CDH2: variants seen among roughly 807,000 people sequenced by gnomAD.
CDH2 encodes the protein cadherin 2, also known as cadherin-2.
In CDH2, 17 loss-of-function variants were observed where a neutral mutation model predicts 92.0. The ratio of observed to expected loss-of-function variants is 0.18; its 90% confidence interval spans 0.13 to 0.28. The LOEUF (loss-of-function observed/expected upper bound fraction) is 0.28, where lower values mean the gene tolerates loss of function less well. CDH2 is among the 10% of genes least tolerant of loss of function. The probability of loss-of-function intolerance (pLI) is 1.00; values close to 1 mark genes in which losing one functional copy is unlikely to be tolerated. For synonymous variants in CDH2, 419 were observed against 415.9 expected, an observed-to-expected ratio of 1.01 and a Z score of -0.09; for missense variants, 862 against 1,133.1, an observed-to-expected ratio of 0.76 and a Z score of 3.44.
chr18:27,974,539 G>T (rs954069966), intron 14 of CDH2, among the ~76,000 whole-genome samples: 5 of 152,226 alleles, frequency 3.3e-5, no homozygotes, highest in Non-Finnish European at 7.3e-5. Flanking sequence ...AAGTGACACA[G>T]AATCCATCTT....
intron 2 of CDH2, among the ~76,000 whole-genome samples, chr18:28,042,308 G>T (rs1313200738): frequency 6.6e-6 from 1 of 152,124 alleles, no homozygotes; most frequent in African/African-American, 2.4e-5. Context: ...TAGCATTCCA[G>T]TTTAAAAGTT....
rs192543509 is a variant in CDH2 at position 28,035,953 on chromosome 18, G to A, written c.173-22044C>T. ...TGAAGATCTACTTAGTGGGGATTAGGGAAATTAGGTTAAGAAATTTAAAAG... is the reference window on the plus strand; with the variant it reads ...TGAAGATCTACTTAGTGGGGATTAGAGAAATTAGGTTAAGAAATTTAAAAG... On this transcript the variant is annotated intron_variant, in intron 2 of 15. Coordinates refer to ENST00000269141, the MANE Select transcript of CDH2 (RefSeq NM_001792.5). Among the ~76,000 whole-genome samples the A allele has an allele frequency of 9.9e-4, 150 of 152,086 alleles. 1 individual carries two copies. The highest frequency in any genetic ancestry group is 3.6e-3 in the African/African-American group (148 of 41,516).
At chr18:27,983,179 G>T in intron 13 of CDH2, 96 bp from the exon 14 acceptor site, 1 of 870,784 alleles carries the variant, frequency 1.1e-6, no homozygotes, top group Non-Finnish European at 1.7e-6. Context: ...ATACTTATAT[G>T]AACTGAAGGC....
At chr18:28,058,170 C>G (rs1361176366) in intron 2 of CDH2, among the ~76,000 whole-genome samples, 1 of 152,196 alleles carries the variant, frequency 6.6e-6, no homozygotes, top group Admixed American at 6.5e-5. Flanking sequence ...AAAGCCAATA[C>G]AATAACAGTA....
chr18:28,141,843 T>C (rs1054302737), intron 2 of CDH2, among the ~76,000 whole-genome samples: 2 of 152,048 alleles, frequency 1.3e-5, no homozygotes, highest in South Asian at 4.1e-4. Flanking sequence ...GACTCTTGCA[T>C]TTGCTGTTAG....
chr18:28,079,835 G>T (rs1223915793), intron 2 of CDH2, among the ~76,000 whole-genome samples: 1 of 152,106 alleles, frequency 6.6e-6, no homozygotes, highest in Admixed American at 6.6e-5. Flanking sequence ...CTCAGAAAAC[G>T]TGTCATGTGA....
intron 2 of CDH2, among the ~76,000 whole-genome samples, chr18:28,101,526 A>G (rs1416410632): frequency 6.6e-6 from 1 of 152,126 alleles, no homozygotes; most frequent in African/African-American, 2.4e-5. Flanking sequence ...CTTGACTGTA[A>G]CTACACTTGT....
At chr18:28,089,453 A>G (rs1341933647) in intron 2 of CDH2, among the ~76,000 whole-genome samples, 1 of 152,164 alleles carries the variant, frequency 6.6e-6, no homozygotes, top group African/African-American at 2.4e-5. Flanking sequence ...GTTTCCTAGA[A>G]GGAAATTTTT....
rs186801484 is a variant in CDH2, at chr18:28,129,341, T to C, written c.172+18332A>G. On this transcript the variant is annotated intron_variant, in intron 2 of 15. Transcript: ENST00000269141. ...CCACCTGCATATAAAAACCTATCTA[T>C]AATATAAGCCATCACACTTTAATTG... Among the ~76,000 whole-genome samples the C allele has an allele frequency of 2.0e-5, 3 of 152,338 alleles. 1 individual carries two copies. The highest frequency in any genetic ancestry group is 2.0e-4 in the Admixed American group (3 of 15,294).
chr18:27,989,659 G>A (rs566982419), intron 10 of CDH2, among the ~76,000 whole-genome samples: 37 of 152,240 alleles, frequency 2.4e-4, no homozygotes, highest in African/African-American at 8.4e-4. Flanking sequence ...AATAACTACT[G>A]TACAGGTAAG....
intron 2 of CDH2, among the ~76,000 whole-genome samples, chr18:28,052,245 G>C (rs2014206558): frequency 6.6e-6 from 1 of 152,058 alleles, no homozygotes. Flanking sequence ...TATTCCACAT[G>C]GGAAGTAATT....
chr18:28,140,186 G>A (rs1157447145), intron 2 of CDH2, among the ~76,000 whole-genome samples: 1 of 151,920 alleles, frequency 6.6e-6, no homozygotes, highest in African/African-American at 2.4e-5. Context: ...AAATATGAGT[G>A]TTTTAAAACC....
chr18:27,985,137 G>A lies in CDH2; in HGVS notation c.2072C>T (p.Ser691Leu). The A allele has an allele frequency of 6.2e-7, 1 of 1,613,524 alleles. No individual in the cohort carries two copies. The highest frequency in any genetic ancestry group is 1.1e-5 in the South Asian group (1 of 91,072). Residue 691 changes from serine (S) to leucine (L), a missense_variant, in exon 13 of 16, where the codon TCA (serine) becomes TTA (leucine). By Grantham distance (145) the Ser-to-Leu change is moderately radical. Coordinates refer to ENST00000269141, the MANE Select transcript of CDH2 (RefSeq NM_001792.5). ...IITDSGNPPK[S>L]NISILRVKVC... is the part of the protein sequence containing the mutation. ...CTTCACACGCAGGATGGAAATATTTGATTTGGGAGGATTACCCGAATCTGT... is the reference window on the plus strand; with the variant it reads ...CTTCACACGCAGGATGGAAATATTTAATTTGGGAGGATTACCCGAATCTGT...
chr18:27,968,811 G>A (rs1423589778), intron 14 of CDH2, among the ~76,000 whole-genome samples: 1 of 152,154 alleles, frequency 6.6e-6, no homozygotes, highest in Non-Finnish European at 1.5e-5. Flanking sequence ...TACTCACATG[G>A]AAGTAAATGG....
chr18:28,106,662 T>C (rs1009805608), intron 2 of CDH2, among the ~76,000 whole-genome samples: 1 of 152,172 alleles, frequency 6.6e-6, no homozygotes, highest in Non-Finnish European at 1.5e-5. Context: ...TTCTGTCCCA[T>C]TTAATAGACC....
chr18:28,161,926 T>C (rs1279730152), intron 1 of CDH2, among the ~76,000 whole-genome samples: 1 of 152,186 alleles, frequency 6.6e-6, no homozygotes, highest in Non-Finnish European at 1.5e-5. Context: ...CATGCAAATA[T>C]TGTTAAGCTA....
At chr18:28,155,665 AAC>A (rs2016197664) in intron 1 of CDH2, among the ~76,000 whole-genome samples, 1 of 152,302 alleles carries the variant, frequency 6.6e-6, no homozygotes, top group African/African-American at 2.4e-5. Flanking sequence ...AGCGAACATA[AAC>A]AGTTAATGAA....
intron 2 of CDH2, among the ~76,000 whole-genome samples, chr18:28,094,102 G>C (rs2015083613): frequency 6.6e-6 from 1 of 152,138 alleles, no homozygotes; most frequent in Admixed American, 6.5e-5. Flanking sequence ...CTACAATTTT[G>C]AAATAATCTC....
intron 6 of CDH2, among the ~76,000 whole-genome samples, chr18:27,941,236 C>T (rs541263811): frequency 2.0e-5 from 3 of 152,016 alleles, no homozygotes; most frequent in African/African-American, 7.2e-5. Context: ...GGGGTTTCAC[C>T]GTGTTAGCCA....
Sources: allele counts gnomAD v4.1 joint callset (sites outside exome capture counted in the v4.1 genomes callset), GRCh38; gene constraint gnomAD v4.1.1; transcripts MANE v1.5; gene names NCBI Gene and HGNC (gene_info 2026-07-23, HGNC 2026-07-21).